The following TTC28 variants were observed in gnomAD, a reference collection of about 807,000 sequenced individuals.
The protein encoded by TTC28 is tetratricopeptide repeat domain 28, also known as tetratricopeptide repeat protein 28.
A neutral mutation model predicts 198.0 loss-of-function variants in TTC28; 61 were observed. The observed-to-expected ratio is 0.31, with a 90% CI of 0.25 to 0.38. The LOEUF is 0.38. Among genes scored for constraint, TTC28 ranks in the 10% least tolerant of loss-of-function variants. The pLI is 1.00. For synonymous variants in TTC28, 1,171 were observed against 1,297.8 expected, an observed-to-expected ratio of 0.90 and a Z score of 2.10; for missense variants, 2,678 against 3,164.0, an observed-to-expected ratio of 0.85 and a Z score of 3.69.
At chr22:28,261,080 T>C (rs571327106) in intron 5 of TTC28, among the ~76,000 whole-genome samples, 1 of 152,148 alleles carries the variant, frequency 6.6e-6, no homozygotes, top group Non-Finnish European at 1.5e-5. Context: ...TAAAAACCTG[T>C]AACTTTCTTC....
At chr22:28,285,631 C>T (rs959302482) in intron 5 of TTC28, among the ~76,000 whole-genome samples, 1 of 152,078 alleles carries the variant, frequency 6.6e-6, no homozygotes, top group Non-Finnish European at 1.5e-5. Context: ...TGATTGTGGT[C>T]GTTTCACAAT....
chr22:28,342,401 T>G (rs148267420), intron 2 of TTC28, among the ~76,000 whole-genome samples: 1,637 of 152,280 alleles, frequency 0.011, 30 homozygotes, highest in African/African-American at 0.038. Flanking sequence ...TCTAGAAAAT[T>G]TAGGAAAATA....
intron 2 of TTC28, among the ~76,000 whole-genome samples, chr22:28,434,807 G>C (rs2047493156): frequency 6.6e-6 from 1 of 151,954 alleles, no homozygotes; most frequent in Non-Finnish European, 1.5e-5. Flanking sequence ...CAAACAATCA[G>C]TTCCCACAAA....
At chr22:28,507,150 A>C (rs1345748627) in intron 2 of TTC28, among the ~76,000 whole-genome samples, 2 of 152,192 alleles carry the variant, frequency 1.3e-5, no homozygotes, top group African/African-American at 4.8e-5. Flanking sequence ...AATGCAAAGA[A>C]GCTAACAATC....
chr22:28,540,815 G>GA (rs2049395427), intron 2 of TTC28, among the ~76,000 whole-genome samples: 1 of 151,940 alleles, frequency 6.6e-6, no homozygotes, highest in Non-Finnish European at 1.5e-5. Flanking sequence ...CATTCTACAG[G>GA]GGAAAAAATT....
intron 5 of TTC28, among the ~76,000 whole-genome samples, chr22:28,183,051 T>TC (rs1002155180): frequency 1.7e-4 from 16 of 93,288 alleles, no homozygotes; most frequent in African/African-American, 6.5e-4. Context: ...CTTCAATGTC[T>TC]TTTTTTTTTT....
intron 12 of TTC28, among the ~76,000 whole-genome samples, chr22:28,077,647 T>C (rs574181858): frequency 3.2e-4 from 49 of 152,338 alleles, no homozygotes; most frequent in African/African-American, 1.2e-3. Flanking sequence ...TAAACAAGTG[T>C]AATCTAAATT....
At chr22:28,254,765 G>A (rs1250044598) in intron 5 of TTC28, among the ~76,000 whole-genome samples, 2 of 152,146 alleles carry the variant, frequency 1.3e-5, no homozygotes, top group East Asian at 1.9e-4. Flanking sequence ...AGTAGTGGCT[G>A]AGGAACCACA....
chr22:28,146,627 A>T (rs961480239), intron 6 of TTC28, among the ~76,000 whole-genome samples: 1 of 152,172 alleles, frequency 6.6e-6, no homozygotes, highest in Non-Finnish European at 1.5e-5. Flanking sequence ...AGAGCATATC[A>T]TATCTCCCTC....
chr22:28,211,494 A>G (rs1190591554), intron 5 of TTC28, among the ~76,000 whole-genome samples: 1 of 152,194 alleles, frequency 6.6e-6, no homozygotes, highest in African/African-American at 2.4e-5. Context: ...AGTCTCTGAT[A>G]AAACAGACTT....
chr22:28,000,134 C>G (rs1937631905), intron 15 of TTC28: 1 of 152,218 alleles, frequency 6.6e-6, no homozygotes, highest in South Asian at 2.1e-4. Context: ...TCGAGAAGGC[C>G]AGCTCGCTTC....
chr22:28,677,175 AATATATATAT>A (rs143954002), intron 1 of TTC28, among the ~76,000 whole-genome samples: 1 of 69,484 alleles, frequency 1.4e-5, no homozygotes, highest in Non-Finnish European at 2.5e-5. Context: ...AAAAAAAAAA[AATATATATAT>A]ATATATATAT....
intron 12 of TTC28, among the ~76,000 whole-genome samples, chr22:28,074,746 TC>T (rs59127361): frequency 0.068 from 10,315 of 151,756 alleles, 402 homozygotes; most frequent in South Asian, 0.089. Flanking sequence ...CACCAGATTA[TC>T]CCCCCCCATG....
At chr22:28,386,224 G>A (rs1164382386) in intron 2 of TTC28, among the ~76,000 whole-genome samples, 16 of 126,612 alleles carry the variant, frequency 1.3e-4, no homozygotes, top group Non-Finnish European at 1.9e-4. Flanking sequence ...GCAGTGAGCC[G>A]AGATCCCGCC....
chr22:28,009,120 G>A (rs191825214), intron 14 of TTC28, among the ~76,000 whole-genome samples: 74 of 152,246 alleles, frequency 4.9e-4, no homozygotes, highest in Admixed American at 4.6e-3. Context: ...AAATGCAACC[G>A]GGCCCTCCTC....
In TTC28 at chr22:28,296,311, A is replaced by G; in HGVS notation, c.820T>C (p.Cys274Arg). Residue 274 changes from cysteine (C) to arginine (R), a missense_variant, in exon 5 of 23, where the codon TGC (cysteine) becomes CGC (arginine). Around this residue, in one of 8 missense-constraint regions of TTC28, gnomAD observed 775 missense variants for 845.9 expected, o/e 0.92. Transcript: ENST00000397906. The stretch of plus-strand genomic sequence containing the variant: ...GAGCCCAGATTCCCATGAGCTCGGC[A>G]TTCTCCTGTCTGGTCACCTGGATTG... ...AKTLGDQTGE[C>R]RAHGNLGSAF... The G allele has an allele frequency of 6.5e-7, 1 of 1,544,142 alleles. No individual in the cohort carries two copies. The highest frequency in any genetic ancestry group is 8.7e-7 in the Non-Finnish European group (1 of 1,144,172).
intron 6 of TTC28, among the ~76,000 whole-genome samples, chr22:28,136,603 C>T (rs1943204994): frequency 6.6e-6 from 1 of 152,234 alleles, no homozygotes; most frequent in Non-Finnish European, 1.5e-5. Context: ...CTCAAATAAG[C>T]TCTAGATGTC....
chr22:28,167,338 C>G lies in TTC28; in HGVS notation c.934-3739G>C, dbSNP rs1012046716. Among the ~76,000 whole-genome samples the G allele has an allele frequency of 1.6e-4, 25 of 152,216 alleles. 1 individual carries two copies. The highest frequency in any genetic ancestry group is 1.6e-3 in the Admixed American group (24 of 15,282). On this transcript the variant is annotated intron_variant, in intron 5 of 22. Transcript: ENST00000397906. The stretch of plus-strand genomic sequence containing the variant: ...ACTCATCTTATGAGGCCAGCATTAT[C>G]CTGATACCAAAGCCTGGCAGAGATA...
At chr22:28,374,069 G>A (rs768191370) in intron 2 of TTC28, among the ~76,000 whole-genome samples, 5 of 152,260 alleles carry the variant, frequency 3.3e-5, no homozygotes, top group Middle Eastern at 3.4e-3. Context: ...TAGAGGAATT[G>A]CTATAACTTC....
Sources: gnomAD v4.1 joint callset for allele counts (sites outside exome capture counted in the v4.1 genomes callset) on GRCh38, gnomAD v4.1.1 for gene constraint, gnomAD v4.1.1 regional missense constraint, MANE v1.5 for transcripts, NCBI Gene and HGNC (gene_info 2026-07-23, HGNC 2026-07-21) for gene names.